The following PLEKHA6 variants were observed in gnomAD, a reference collection of about 807,000 sequenced individuals.
The protein encoded by PLEKHA6 is pleckstrin homology domain-containing family A member 6.
PLEKHA6 carries 60 observed loss-of-function variants against 116.7 expected under a neutral mutation model. The observed-to-expected ratio is 0.51, with a 90% CI of 0.42 to 0.64. The LOEUF (loss-of-function observed/expected upper bound fraction) is 0.64. PLEKHA6 is among the 30% of genes least tolerant of loss of function. The pLI is 0.00. For synonymous variants in PLEKHA6, 489 were observed against 556.1 expected, an observed-to-expected ratio of 0.88 and a Z score of 1.70; for missense variants, 1,338 against 1,422.7, an observed-to-expected ratio of 0.94 and a Z score of 0.96.
chr1:204,351,101 C>T (rs570339735), intron 1 of PLEKHA6, among the ~76,000 whole-genome samples: 3 of 152,310 alleles, frequency 2.0e-5, no homozygotes, highest in South Asian at 2.1e-4. Flanking sequence ...CCAGCATGGC[C>T]GCCAGGCTGC....
chr1:204,312,318 C>G (rs1327839465), intron 1 of PLEKHA6, among the ~76,000 whole-genome samples: 3 of 152,250 alleles, frequency 2.0e-5, no homozygotes, highest in Non-Finnish European at 2.9e-5. Context: ...ACACAGCAAT[C>G]CTACTGTCCC....
chr1:204,331,756 G>A (rs1312319759), intron 1 of PLEKHA6, among the ~76,000 whole-genome samples: 1 of 152,148 alleles, frequency 6.6e-6, no homozygotes. Context: ...GAAGAAAGAT[G>A]GAGAGGGCAG....
intron 7 of PLEKHA6, among the ~76,000 whole-genome samples, chr1:204,260,818 C>T (rs1471689754): frequency 2.6e-5 from 4 of 152,192 alleles, no homozygotes; most frequent in East Asian, 1.9e-4. Flanking sequence ...GTGTTTTACA[C>T]GCACTCTGTG....
chr1:204,318,869 G>C (rs1017150280), intron 1 of PLEKHA6, among the ~76,000 whole-genome samples: 2 of 152,194 alleles, frequency 1.3e-5, no homozygotes, highest in Non-Finnish European at 2.9e-5. Flanking sequence ...AGAGATGTTA[G>C]GAGGGGAATA....
chr1:204,317,536 G>A (rs1313698182), intron 1 of PLEKHA6, among the ~76,000 whole-genome samples: 1 of 151,864 alleles, frequency 6.6e-6, no homozygotes, highest in South Asian at 2.1e-4. Flanking sequence ...CAACACTCCC[G>A]GCTAGATCTC....
At chr1:204,301,504 C>T in intron 1 of PLEKHA6, 1 of 984,626 alleles carries the variant, frequency 1.0e-6, no homozygotes, top group Non-Finnish European at 1.2e-6. Context: ...ACCCAAGTCC[C>T]CACCTCATTG....
chr1:204,356,388 C>T (rs1000887393), intron 1 of PLEKHA6, among the ~76,000 whole-genome samples: 2 of 152,012 alleles, frequency 1.3e-5, no homozygotes, highest in Admixed American at 1.3e-4. Flanking sequence ...GCCTGGCCAA[C>T]GTGGCCAACT....
At chr1:204,274,129 A>C (rs1320600198) in intron 2 of PLEKHA6, among the ~76,000 whole-genome samples, 3 of 151,686 alleles carry the variant, frequency 2.0e-5, no homozygotes, top group Non-Finnish European at 2.9e-5. Context: ...ACAGGGTGTC[A>C]CTATGTGGCC....
At chr1:204,249,004 C>T in intron 11 of PLEKHA6, 34 bp from the exon 12 acceptor site, 3 of 1,608,304 alleles carry the variant, frequency 1.9e-6, no homozygotes, top group Non-Finnish European at 2.5e-6. Context: ...ATGAGCAGCC[C>T]TGACAGCTCC....
chr1:204,344,599 CAAA>C (rs58633345), intron 1 of PLEKHA6, among the ~76,000 whole-genome samples: 34,301 of 121,536 alleles, frequency 0.28, 4,307 homozygotes, highest in East Asian at 0.62. Flanking sequence ...GACTCCATCT[CAAA>C]AAAAAAAAAA....
intron 1 of PLEKHA6, among the ~76,000 whole-genome samples, chr1:204,306,091 C>T (rs1415918843): frequency 6.6e-6 from 1 of 152,154 alleles, no homozygotes; most frequent in Non-Finnish European, 1.5e-5. Flanking sequence ...CCATCCACCC[C>T]ATATTCTTTC....
intron 1 of PLEKHA6, chr1:204,301,251 AAAG>A: frequency 3.0e-6 from 3 of 984,484 alleles, no homozygotes; most frequent in Non-Finnish European, 3.6e-6. Context: ...TATTTAAGCT[AAAG>A]ATGCTGACAG....
intron 1 of PLEKHA6, among the ~76,000 whole-genome samples, chr1:204,292,091 T>A (rs962121117): frequency 3.9e-5 from 6 of 152,222 alleles, no homozygotes; most frequent in Non-Finnish European, 7.4e-5. Context: ...TGAACATGTG[T>A]CCTGAATCCG....
Position 204,367,055 on chromosome 1 carries a change from G to A in PLEKHA6, c.218+744C>T, listed in dbSNP as rs182920757. On this transcript the variant is annotated intron_variant, in intron 3 of 4. Coordinates refer to the PLEKHA6 transcript ENST00000564627. ...CCAGAAGGTGAGGCCCACAGGCCTGGGCACGCTGAGCCTCACCCTTGCGAA... is the reference window on the plus strand; with the variant it reads ...CCAGAAGGTGAGGCCCACAGGCCTGAGCACGCTGAGCCTCACCCTTGCGAA... 4.7e-3 allele frequency among the ~76,000 whole-genome samples: 710 copies of A among 152,338 alleles called. 4 individuals carry two copies. The highest frequency in any genetic ancestry group is 0.016 in the African/African-American group (670 of 41,576).
chr1:204,375,239 A>G (rs1482399786), intron 1 of PLEKHA6, among the ~76,000 whole-genome samples: 1 of 151,738 alleles, frequency 6.6e-6, no homozygotes, highest in Non-Finnish European at 1.5e-5. Flanking sequence ...CTCTCTCTTC[A>G]AACTCTATCC....
At chr1:204,347,250 A>G (rs1428191144) in intron 1 of PLEKHA6, 20 of 1,046,842 alleles carry the variant, frequency 1.9e-5, no homozygotes, top group Non-Finnish European at 2.5e-5. Flanking sequence ...TTCCCTTTGT[A>G]TTCGTCATTT....
chr1:204,301,858 C>T (rs773653508), intron 1 of PLEKHA6, among the ~76,000 whole-genome samples: 2 of 152,112 alleles, frequency 1.3e-5, no homozygotes, highest in South Asian at 2.1e-4. Context: ...TGGCTCTAGT[C>T]GTACATTTTA....
chr1:204,239,089 A>G (rs1422054685), intron 17 of PLEKHA6, among the ~76,000 whole-genome samples: 2 of 152,250 alleles, frequency 1.3e-5, no homozygotes, highest in African/African-American at 2.4e-5. Context: ...TTTGTATCCT[A>G]TGTGAGTGCT....
intron 1 of PLEKHA6, among the ~76,000 whole-genome samples, chr1:204,331,901 C>T (rs1672467246): frequency 6.6e-6 from 1 of 151,916 alleles, no homozygotes; most frequent in South Asian, 2.1e-4. Context: ...CCGAGAGGCC[C>T]CAGTGTCCAT....
Sources: gnomAD v4.1 joint callset for allele counts (sites outside exome capture counted in the v4.1 genomes callset) on GRCh38, gnomAD v4.1.1 for gene constraint, MANE v1.5 for transcripts, NCBI Gene and HGNC (gene_info 2026-07-23, HGNC 2026-07-21) for gene names.